The following LAMB3 variants were observed in gnomAD, a reference collection of about 807,000 sequenced individuals.
LAMB3 encodes the protein laminin subunit beta 3.
LAMB3 carries 104 observed loss-of-function variants against 140.3 expected under a neutral mutation model. The ratio of observed to expected loss-of-function variants is 0.74; its 90% CI spans 0.63 to 0.87. The LOEUF is 0.87. Among genes scored for constraint, LAMB3 ranks in the 40% least tolerant of loss-of-function variants. The pLI is 0.00. For missense variants in LAMB3, 1,531 were observed against 1,575.2 expected (o/e 0.97, Z 0.47); for synonymous variants, 592 against 602.9 (o/e 0.98, Z 0.26).
intron 9 of LAMB3, 137 bp from the exon 10 acceptor site, chr1:209,630,062 A>G (rs963833379): frequency 1.2e-5 from 10 of 816,992 alleles, no homozygotes; most frequent in Non-Finnish European, 2.1e-5. Flanking sequence ...ACTGAGGGCA[A>G]GGGAGGTTTG....
At position 209,617,540 on chromosome 1, in the gene LAMB3, G is replaced by T; in HGVS notation, c.3098C>A (p.Thr1033Asn). ...RPAEKLVTSM[T>N]KQLGDFWTRM... is the part of the protein sequence containing the mutation. The stretch of plus-strand genomic sequence containing the variant: ...TGTCCAGAAGTCACCCAGCTGCTTG[G>T]TCATGCTTGTCACCAGCTTTTCTGC... The change falls in exon 21 of 23, where the codon ACC (threonine) becomes AAC (asparagine). Residue 1033 changes from threonine (T) to asparagine (N), a missense_variant. Physicochemically the swap from Thr to Asn is moderately conservative, Grantham distance 65. Coordinates refer to ENST00000356082, the MANE Select transcript of LAMB3 (RefSeq NM_000228.3). The T allele has an allele frequency of 6.2e-7, 1 of 1,614,090 alleles. No homozygotes were observed. Among genetic ancestry groups the T allele is most frequent in the Non-Finnish European group, 8.5e-7 (1 of 1,180,036 alleles).
intron 9 of LAMB3, 197 bp downstream of exon 9, chr1:209,630,418 G>T (rs1031476332): frequency 1.4e-5 from 9 of 641,520 alleles, no homozygotes; most frequent in Non-Finnish European, 2.4e-5. Context: ...TCTAGCTGGG[G>T]ACAGTGGGAG....
intron 11 of LAMB3, 120 bp downstream of exon 11, chr1:209,627,915 C>T (rs570751385): frequency 7.6e-7 from 1 of 1,319,334 alleles, no homozygotes; most frequent in South Asian, 1.3e-5. Context: ...GGGCATACCC[C>T]CTCTGTCTAC....
intron 3 of LAMB3, among the ~76,000 whole-genome samples, chr1:209,648,717 C>T (rs980858981): frequency 1.3e-5 from 2 of 152,090 alleles, no homozygotes; most frequent in Admixed American, 6.6e-5. Flanking sequence ...CTGACCTCTC[C>T]TTGCCTCCCC....
At chr1:209,633,197 G>A in intron 6 of LAMB3, 64 bp from the exon 7 acceptor site, 1 of 1,225,282 alleles carries the variant, frequency 8.2e-7, no homozygotes. Flanking sequence ...GAGTTCAGAA[G>A]AAACCTTTCT....
At chr1:209,626,648 T>C (rs1666466412) in intron 13 of LAMB3, among the ~76,000 whole-genome samples, 1 of 152,214 alleles carries the variant, frequency 6.6e-6, no homozygotes, top group Admixed American at 6.5e-5. Context: ...AACCAGCATG[T>C]CACGGGGACG....
chr1:209,626,263 C>T (rs940385816), intron 13 of LAMB3, among the ~76,000 whole-genome samples: 7 of 152,236 alleles, frequency 4.6e-5, no homozygotes, highest in African/African-American at 1.7e-4. Flanking sequence ...CTCATTTGAT[C>T]TTCACACCAC....
chr1:209,632,934 G>A, intron 7 of LAMB3, 136 bp downstream of exon 7: 1 of 1,012,610 alleles, frequency 9.9e-7, no homozygotes, highest in Non-Finnish European at 1.6e-6. Context: ...TCCCTATGGG[G>A]CAAGCAGGGC....
intron 2 of LAMB3, 136 bp downstream of exon 2, chr1:209,650,781 C>T (rs376585916): frequency 2.1e-5 from 18 of 854,532 alleles, no homozygotes; most frequent in East Asian, 1.4e-4. Flanking sequence ...CAGGTGTCCC[C>T]AGTAGACAAG....
chr1:209,620,576 G>T (rs1357353780), intron 18 of LAMB3, among the ~76,000 whole-genome samples: 1 of 152,224 alleles, frequency 6.6e-6, no homozygotes, highest in African/African-American at 2.4e-5. Context: ...AAGCAATAGG[G>T]TGTGAATGAC....
chr1:209,629,195 T>G (rs1666586527), intron 10 of LAMB3, among the ~76,000 whole-genome samples: 1 of 152,242 alleles, frequency 6.6e-6, no homozygotes, highest in Non-Finnish European at 1.5e-5. Context: ...GTGTGCATGT[T>G]AAGCTGCCTC....
At chr1:209,632,184 C>T (rs1476395442) in intron 8 of LAMB3, among the ~76,000 whole-genome samples, 2 of 152,324 alleles carry the variant, frequency 1.3e-5, no homozygotes, top group South Asian at 2.1e-4. Context: ...ACCAGTGGCT[C>T]TCAGACCTGG....
chr1:209,648,812 A>G (rs1311341385), intron 3 of LAMB3, among the ~76,000 whole-genome samples: 2 of 152,114 alleles, frequency 1.3e-5, no homozygotes, highest in Admixed American at 6.5e-5. Flanking sequence ...TTTGGAGGTT[A>G]TGGGTGGAGG....
In LAMB3 at chr1:209,622,554, C is replaced by G; in HGVS notation, c.2683G>C (p.Val895Leu). The change falls in exon 18 of 23, where the codon GTC becomes CTC. Residue 895 changes from valine (V) to leucine (L), a missense_variant. Coordinates refer to ENST00000356082, the MANE Select transcript of LAMB3 (RefSeq NM_000228.3). ...VRRTRLLIQQVRDFLTDPDTD... is the reference protein window; with the variant it reads ...VRRTRLLIQQLRDFLTDPDTD... ...GGCTCACCTGTTAGGAAGTCCCGGA[C>G]CTGCTGGATTAGGAGCCGTGTGCGT... 1 of 1,613,984 alleles carries G rather than the reference C, an allele frequency of 6.2e-7. No homozygotes were observed. Among genetic ancestry groups the G allele is most frequent in the Non-Finnish European group, 8.5e-7 (1 of 1,180,004 alleles).
chr1:209,623,100 G>A lies in LAMB3; in HGVS notation c.2438C>T (p.Ala813Val). 1.2e-6 allele frequency: 2 copies of A among 1,614,214 alleles called. No homozygotes were observed. Among genetic ancestry groups the A allele is most frequent in the African/African-American group, 1.3e-5 (1 of 75,062 alleles). ...GELCPQDNGT[A>V]CGSRCRGVLP... is the part of the protein sequence containing the mutation. The stretch of plus-strand genomic sequence containing the variant: ...GACACCCCTGCAGCGGGAGCCACAG[G>A]CTGTGCCATTGTCTTGGGGACATAG... The change falls in exon 17 of 23, where the codon GCC (alanine) becomes GTC (valine). Residue 813 changes from alanine (A) to valine (V), a missense_variant. Transcript: ENST00000356082. The surrounding 1 kb of genome is among the most constrained non-coding windows in gnomAD (Gnocchi z 4.2).
At position 209,632,650 on chromosome 1, in the gene LAMB3, C is replaced by A. The variant is rs747598160; in HGVS notation, c.755G>T (p.Cys252Phe). The A allele has an allele frequency of 6.2e-7, 1 of 1,614,022 alleles. No homozygotes were observed. Among genetic ancestry groups the A allele is most frequent in the African/African-American group, 1.3e-5 (1 of 74,922 alleles). ...TGCGCAGCGATCAGCATGGCCGTGA[C>A]AGAAGCAGCTCCCCTGCAGACGGAG... is the stretch of plus-strand genomic sequence containing the variant. The part of the protein sequence containing the change: ...SQLRLQGSCF[C>F]HGHADRCAPK... The change falls in exon 8 of 23, where the codon TGT (cysteine) becomes TTT (phenylalanine). Residue 252 changes from cysteine (C) to phenylalanine (F), a missense_variant. By Grantham distance (205) the Cys-to-Phe change is radical. Transcript: ENST00000356082.
chr1:209,628,866 C>T (rs887737513), intron 10 of LAMB3, among the ~76,000 whole-genome samples: 7 of 152,164 alleles, frequency 4.6e-5, no homozygotes, highest in Non-Finnish European at 1.0e-4. Flanking sequence ...CTCATGTAAT[C>T]TTCATGATAA....
chr1:209,621,987 G>A (rs1212819460), intron 18 of LAMB3, among the ~76,000 whole-genome samples: 2 of 152,202 alleles, frequency 1.3e-5, no homozygotes, highest in African/African-American at 2.4e-5. Flanking sequence ...GTAAGATGAT[G>A]GGGGACAAAC....
intron 3 of LAMB3, among the ~76,000 whole-genome samples, chr1:209,648,949 C>CTAGGG (rs958365487): frequency 6.5e-4 from 99 of 152,278 alleles, no homozygotes; most frequent in African/African-American, 2.4e-3. Context: ...CACAGGGAGT[C>CTAGGG]CTGGCTAGGG....
Sources: allele counts gnomAD v4.1 joint callset (sites outside exome capture counted in the v4.1 genomes callset), GRCh38; gene constraint gnomAD v4.1.1; non-coding constraint Gnocchi (gnomAD v3.1); transcripts MANE v1.5; gene names NCBI Gene and HGNC (gene_info 2026-07-23, HGNC 2026-07-21).